The following SMARCD3 variants were observed in gnomAD, a reference collection of about 807,000 sequenced individuals.
SMARCD3 encodes the protein SWI/SNF related BAF chromatin remodeling complex subunit D3, also known as SWI/SNF-related matrix-associated actin-dependent regulator of chromatin subfamily D member 3.
A neutral mutation model predicts 58.0 loss-of-function variants in SMARCD3; 14 were observed. The ratio of observed to expected loss-of-function variants is 0.24; its 90% CI spans 0.16 to 0.38. SMARCD3 has a LOEUF of 0.38. Among genes scored for constraint, SMARCD3 ranks in the 10% least tolerant of loss-of-function variants. The pLI, the probability that SMARCD3 is intolerant of heterozygous loss-of-function variation, is 1.00. For synonymous variants in SMARCD3, 253 were observed against 253.8 expected, an observed-to-expected ratio of 1.00 and a Z score of 0.03; for missense variants, 408 against 636.9, an observed-to-expected ratio of 0.64 and a Z score of 3.87.
At chr7:151,259,902 G>A (rs935760536) in intron 2 of SMARCD3, among the ~76,000 whole-genome samples, 5 of 151,890 alleles carry the variant, frequency 3.3e-5, no homozygotes, top group South Asian at 2.1e-4. Context: ...GAGCCACCAC[G>A]CCTGGCCAAG....
intron 2 of SMARCD3, among the ~76,000 whole-genome samples, chr7:151,272,287 C>T (rs144772633): frequency 2.0e-5 from 3 of 152,252 alleles, no homozygotes; most frequent in African/African-American, 4.8e-5. Context: ...GCATCGGGGT[C>T]TCTGGGCCTC....
chr7:151,274,255 G>T (rs112312354), intron 2 of SMARCD3, among the ~76,000 whole-genome samples: 7 of 152,366 alleles, frequency 4.6e-5, no homozygotes, highest in African/African-American at 1.7e-4. Flanking sequence ...AGGCCAGCCA[G>T]CGTGATGATG....
Position 151,243,624 on chromosome 7 carries a change from G to C in SMARCD3, c.333+35C>G, listed in dbSNP as rs749086129. ...GGGAGGGCGGAGCAGCAAAGGGTGG[G>C]GGGTGGGCTGGGGGCTGCTGTGAAA... On this transcript the variant is annotated intron_variant, in intron 3 of 12. Transcript: ENST00000262188. The surrounding 1 kb of genome is among the most constrained non-coding windows in gnomAD (Gnocchi z 4.4). The C allele has an allele frequency of 3.4e-6, 4 of 1,189,736 alleles. No individual in the cohort carries two copies. In the Admixed American group the frequency reaches 6.7e-5, roughly 20 times the overall value. The allele number at this position is 1,189,736 out of a possible 1,614,324, so 73.7% of individuals were successfully genotyped here. A position where few individuals can be genotyped will look rare whatever the true frequency, so the allele number is the denominator to read the frequency against.
intron 1 of SMARCD3, chr7:151,275,398 T>G (rs931573338): frequency 3.7e-6 from 2 of 546,614 alleles, no homozygotes; most frequent in African/African-American, 3.8e-5. Flanking sequence ...GCAACCAGCA[T>G]GGGCCAGCTG....
Position 151,239,711 on chromosome 7 carries a change from C to T in SMARCD3, c.1209G>A (p.Lys403=), listed in dbSNP as rs747501350. The T allele has an allele frequency of 1.9e-6, 3 of 1,613,882 alleles. No homozygotes were observed. The highest frequency in any genetic ancestry group is 2.5e-6 in the Non-Finnish European group (3 of 1,179,894). The change falls in exon 11 of 13, where the codon AAG becomes AAA. Residue 403 remains lysine, a synonymous_variant. Transcript: ENST00000262188. This position sits in a 1 kb window ranked among gnomAD's most constrained non-coding sequence, Gnocchi z 7.0. ...AGCTTAGCATGAAGTCCCTCTGGAT[C>T]TTGAGCTGGTTTATGGACTCAATCG... The part of the protein sequence containing the change: ...HETIESINQL[K]IQRDFMLSFS...
intron 2 of SMARCD3, among the ~76,000 whole-genome samples, chr7:151,260,418 C>G (rs1201187401): frequency 6.6e-6 from 1 of 152,138 alleles, no homozygotes; most frequent in Non-Finnish European, 1.5e-5. Context: ...GTGCTACTAC[C>G]AAGGTGTCTG....
intron 2 of SMARCD3, among the ~76,000 whole-genome samples, chr7:151,259,865 C>A (rs1803860214): frequency 6.6e-6 from 1 of 151,228 alleles, no homozygotes; most frequent in South Asian, 2.1e-4. Context: ...CCACCTTGGC[C>A]TCCCAAAGTG....
intron 2 of SMARCD3, among the ~76,000 whole-genome samples, chr7:151,261,373 G>A (rs1803911944): frequency 6.6e-6 from 1 of 152,174 alleles, no homozygotes; most frequent in Non-Finnish European, 1.5e-5. Context: ...TTGCCCCAGG[G>A]TTGAGAACCA....
chr7:151,264,355 G>A (rs533324728), intron 2 of SMARCD3, among the ~76,000 whole-genome samples: 5 of 152,102 alleles, frequency 3.3e-5, no homozygotes, highest in East Asian at 1.9e-4. Flanking sequence ...CACTGCACCC[G>A]GTCAAAGTCA....
chr7:151,241,426 G>A lies in SMARCD3; in HGVS notation c.939+66C>T. 2 of 1,378,926 alleles carry A rather than the reference G, an allele frequency of 1.5e-6. No homozygotes were observed. Among genetic ancestry groups the A allele is most frequent in the East Asian group, 2.3e-5 (1 of 42,748 alleles). 85.4% of individuals were successfully genotyped at this position (1,378,926 alleles called of 1,614,324 possible). A position where few individuals can be genotyped will look rare whatever the true frequency, so the allele number is the denominator to read the frequency against. ...GGGAGGGGTGGTAGTTACCTTGGTAGAGGTACTTCCCCTGCTGGAGAACTC... is the reference window on the plus strand; with the variant it reads ...GGGAGGGGTGGTAGTTACCTTGGTAAAGGTACTTCCCCTGCTGGAGAACTC... On this transcript the variant is annotated intron_variant, in intron 8 of 12. Coordinates refer to ENST00000262188, the MANE Select transcript of SMARCD3 (RefSeq NM_001003801.2). This position sits in a 1 kb window ranked among gnomAD's most constrained non-coding sequence, Gnocchi z 5.3.
At chr7:151,270,840 G>T (rs1304728347) in intron 2 of SMARCD3, among the ~76,000 whole-genome samples, 1 of 152,254 alleles carries the variant, frequency 6.6e-6, no homozygotes, top group Non-Finnish European at 1.5e-5. Context: ...GATGGGGGCA[G>T]AAGATCACAG....
chr7:151,257,831 A>AT (rs1803753436), intron 2 of SMARCD3, among the ~76,000 whole-genome samples: 1 of 151,550 alleles, frequency 6.6e-6, no homozygotes, highest in Non-Finnish European at 1.5e-5. Context: ...AGATCTCATC[A>AT]TTTTTGCGGT....
intron 2 of SMARCD3, among the ~76,000 whole-genome samples, chr7:151,267,106 C>T (rs1213818917): frequency 6.6e-6 from 1 of 152,192 alleles, no homozygotes; most frequent in Non-Finnish European, 1.5e-5. Context: ...AAACATTTAC[C>T]CGCACACCAC....
At chr7:151,263,752 C>T (rs59092968) in intron 2 of SMARCD3, among the ~76,000 whole-genome samples, 30,967 of 152,190 alleles carry the variant, frequency 0.2, 3,593 homozygotes, top group Non-Finnish European at 0.27. Flanking sequence ...CTGCACTGAT[C>T]GTCCCATTTC....
intron 2 of SMARCD3, among the ~76,000 whole-genome samples, chr7:151,262,707 G>A (rs1163574163): frequency 6.6e-6 from 1 of 152,210 alleles, no homozygotes; most frequent in Non-Finnish European, 1.5e-5. Context: ...ACAGGGTGGG[G>A]CAGGGCTACC....
At position 151,273,036 on chromosome 7, in the gene SMARCD3, G is replaced by A. The variant is rs550604335; in HGVS notation, c.39+2078C>T. Among the ~76,000 whole-genome samples the A allele has an allele frequency of 2.0e-4, 30 of 152,312 alleles. No individual in the cohort carries two copies. The South Asian group carries it at 5.6e-3, about 28-fold the overall frequency. ...ACACCGCCAGTTTTGGGGTGAGGACGGACGCCTAGGCACCAGCACCAGGGC... is the reference window on the plus strand; with the variant it reads ...ACACCGCCAGTTTTGGGGTGAGGACAGACGCCTAGGCACCAGCACCAGGGC... On this transcript the variant is annotated intron_variant, in intron 2 of 13. Transcript: ENST00000356800.
chr7:151,242,373 A>G lies in SMARCD3; in HGVS notation c.579+108T>C, dbSNP rs1803037360. ...GGAATGTCTCTAGGCCTGCCCCTCC[A>G]CCCAGCCTGGGCTGACTCCCTAGCC... On this transcript the variant is annotated intron_variant, in intron 5 of 12. Coordinates refer to ENST00000262188, the MANE Select transcript of SMARCD3 (RefSeq NM_001003801.2). The surrounding 1 kb of genome is among the most constrained non-coding windows in gnomAD (Gnocchi z 4.7). The G allele has an allele frequency of 6.6e-7, 1 of 1,510,518 alleles. No individual in the cohort carries two copies. The highest frequency in any genetic ancestry group is 2.3e-5 in the East Asian group (1 of 44,288). 93.6% of individuals were successfully genotyped at this position (1,510,518 alleles called of 1,614,324 possible). A position where few individuals can be genotyped will look rare whatever the true frequency, so the allele number is the denominator to read the frequency against.
In SMARCD3 at chr7:151,275,325, C is replaced by T. The variant is rs570866495; in HGVS notation, c.-99-74G>A. 70 of 647,082 alleles carry T rather than the reference C, an allele frequency of 1.1e-4. No homozygotes were observed. In the East Asian group the frequency reaches 1.8e-3, roughly 17 times the overall value. 40.1% of individuals were successfully genotyped at this position (647,082 alleles called of 1,614,324 possible). The stretch of plus-strand genomic sequence containing the variant: ...CTCGGGAAGCTGCGAAGAAGCCAAA[C>T]TCCCCGGAGTGGAGGTCTGAGGAAG... On this transcript the variant is annotated intron_variant, in intron 1 of 13. Transcript: ENST00000356800.
intron 2 of SMARCD3, among the ~76,000 whole-genome samples, chr7:151,270,373 A>G (rs185423398): frequency 5.1e-4 from 78 of 152,284 alleles, no homozygotes; most frequent in Non-Finnish European, 9.9e-4. Flanking sequence ...GGCTCATTTT[A>G]GAATCAGCCG....
Sources: allele counts gnomAD v4.1 joint callset (sites outside exome capture counted in the v4.1 genomes callset), GRCh38; gene constraint gnomAD v4.1.1; non-coding constraint Gnocchi (gnomAD v3.1); transcripts MANE v1.5; gene names NCBI Gene and HGNC (gene_info 2026-07-23, HGNC 2026-07-21).